Variants in EXOC5 observed in about 807,000 individuals in gnomAD.
The protein encoded by EXOC5 is exocyst complex component 5, also known as SEC10-like 1.
In EXOC5, 17 loss-of-function variants were observed where a neutral mutation model predicts 90.8. That is an observed-to-expected ratio of 0.19 (90% CI 0.13 to 0.28). The LOEUF (loss-of-function observed/expected upper bound fraction) is 0.28. Ranked by LOEUF, EXOC5 falls within the 10% of genes least tolerant of loss-of-function variation. The pLI is 1.00. For missense variants in EXOC5, 569 were observed against 830.6 expected, an observed-to-expected ratio of 0.69 and a Z score of 3.87; for synonymous variants, 260 against 270.0, an observed-to-expected ratio of 0.96 and a Z score of 0.36.
At chr14:57,219,586 C>A in intron 13 of EXOC5, 144 bp from the exon 14 acceptor site, 1 of 661,098 alleles carries the variant, frequency 1.5e-6, no homozygotes, top group Non-Finnish European at 2.5e-6. Context: ...CTTCTGTGGA[C>A]AGAAGAGGAA....
rs1882656519 is a variant in EXOC5, at chr14:57,206,437, G to A, written c.*2172C>T. ...CTGTTTAGGATAAATTTCTAGTCTTGTTTATATAGTCAAGTATTTTTTGCT... is the reference window on the plus strand; with the variant it reads ...CTGTTTAGGATAAATTTCTAGTCTTATTTATATAGTCAAGTATTTTTTGCT... On this transcript the variant is annotated 3_prime_UTR_variant, in exon 18 of 18. Transcript: ENST00000621441. 6.6e-6 allele frequency: 1 copy of A among 150,608 alleles called. No homozygotes were observed. The highest frequency in any genetic ancestry group is 2.4e-5 in the African/African-American group (1 of 40,944). 9.3% of individuals were successfully genotyped at this position (150,608 alleles called of 1,614,324 possible).
chr14:57,210,161 TCCTATCA>T (rs1882783546), intron 15 of EXOC5, 100 bp from the exon 16 acceptor site: 1 of 596,378 alleles, frequency 1.7e-6, no homozygotes, highest in Admixed American at 3.0e-5. Flanking sequence ...TTATTTAATT[TCCTATCA>T]CCATGAAACT....
At chr14:57,248,213 T>C (rs1884084883) in intron 1 of EXOC5, among the ~76,000 whole-genome samples, 1 of 151,952 alleles carries the variant, frequency 6.6e-6, no homozygotes, top group Non-Finnish European at 1.5e-5. Context: ...GGGTAAGTAT[T>C]AGGTAACATC....
At chr14:57,243,309 A>G (rs894843774) in intron 4 of EXOC5, 5 of 152,180 alleles carry the variant, frequency 3.3e-5, no homozygotes, top group Admixed American at 1.3e-4. Flanking sequence ...TTTCCAAAGA[A>G]CTCTAAAAAT....
At chr14:57,219,582 T>A in intron 13 of EXOC5, 140 bp from the exon 14 acceptor site, 1 of 674,562 alleles carries the variant, frequency 1.5e-6, no homozygotes, top group Non-Finnish European at 2.5e-6. Context: ...ATGACTTCTG[T>A]GGACAGAAGA....
intron 7 of EXOC5, among the ~76,000 whole-genome samples, 164 bp downstream of exon 7, chr14:57,235,547 C>A (rs1371617069): frequency 6.6e-6 from 1 of 151,830 alleles, no homozygotes; most frequent in Non-Finnish European, 1.5e-5. Flanking sequence ...ATATAACATT[C>A]AATACCATTT....
chr14:57,230,588 G>T (rs549791113), intron 11 of EXOC5, among the ~76,000 whole-genome samples: 1 of 152,200 alleles, frequency 6.6e-6, no homozygotes, highest in South Asian at 2.1e-4. Context: ...AAGAAAACTG[G>T]TTTCGATATA....
intron 4 of EXOC5, among the ~76,000 whole-genome samples, chr14:57,241,808 CAT>C (rs1048781312): frequency 2.6e-5 from 4 of 152,098 alleles, no homozygotes; most frequent in African/African-American, 9.7e-5. Context: ...GTATTATCCA[CAT>C]GAGGAACAAT....
intron 12 of EXOC5, among the ~76,000 whole-genome samples, chr14:57,222,697 CAT>C (rs145170163): frequency 1.1e-3 from 163 of 144,824 alleles, no homozygotes; most frequent in Middle Eastern, 3.5e-3. Context: ...TGTATACCCC[CAT>C]ATATATATAT....
chr14:57,232,276 T>C (rs996322168), intron 10 of EXOC5: 4 of 155,310 alleles, frequency 2.6e-5, no homozygotes, highest in African/African-American at 9.6e-5. Flanking sequence ...CAAGACTCCA[T>C]ATGAAGCTTC....
intron 12 of EXOC5, among the ~76,000 whole-genome samples, chr14:57,225,906 GACAA>G (rs1163124502): frequency 6.6e-6 from 1 of 152,192 alleles, no homozygotes; most frequent in Non-Finnish European, 1.5e-5. Context: ...GCAGATAAGA[GACAA>G]ACAGTCGTAT....
chr14:57,206,153 A>G lies in EXOC5; in HGVS notation c.*2456T>C, dbSNP rs7141911. The G allele has an allele frequency of 0.21, 77,918 of 365,898 alleles. 15,602 individuals carry two copies. Among genetic ancestry groups the G allele is most frequent in the African/African-American group, 0.72 (33,919 of 46,956 alleles). The allele number at this position is 365,898 out of a possible 1,614,324, so 22.7% of individuals were successfully genotyped here. A position where few individuals can be genotyped will look rare whatever the true frequency, so the allele number is the denominator to read the frequency against. On this transcript the variant is annotated 3_prime_UTR_variant, in exon 18 of 18. Transcript: ENST00000621441. ...AATACTGCATATTAGCTCATGCGGT[A>G]TTGTGTAATACTGCAAAGACCGTAC... is the stretch of plus-strand genomic sequence containing the variant.
intron 1 of EXOC5, among the ~76,000 whole-genome samples, chr14:57,252,705 C>G (rs1268474997): frequency 6.6e-6 from 1 of 151,956 alleles, no homozygotes; most frequent in Non-Finnish European, 1.5e-5. Context: ...ATTACCACAG[C>G]CATTACGAAA....
intron 6 of EXOC5, 93 bp from the exon 7 acceptor site, chr14:57,235,913 A>G: frequency 3.0e-6 from 2 of 674,220 alleles, no homozygotes; most frequent in Non-Finnish European, 5.3e-6. Context: ...ATGACTATGA[A>G]TATAGCTTTC....
chr14:57,264,352 T>C (rs557533184), intron 1 of EXOC5, among the ~76,000 whole-genome samples: 175 of 152,344 alleles, frequency 1.1e-3, no homozygotes, highest in African/African-American at 4.1e-3. Flanking sequence ...TAACTAGCTT[T>C]TGTAATTTAG....
At position 57,204,205 on chromosome 14, in the gene EXOC5, A is replaced by G. The variant is rs1882582993; in HGVS notation, c.*4404T>C. ...AATACCTCGGGTCTAGTTCAAAAAT[A>G]GGAATTTTGTTAAGCCCAGGGGCAG... On this transcript the variant is annotated 3_prime_UTR_variant, in exon 18 of 18. Coordinates refer to ENST00000621441, the MANE Select transcript of EXOC5 (RefSeq NM_006544.4). The G allele has an allele frequency of 6.6e-6, 1 of 152,176 alleles. No individual in the cohort carries two copies. Among genetic ancestry groups the G allele is most frequent in the Non-Finnish European group, 1.5e-5 (1 of 68,006 alleles). 9.4% of individuals were successfully genotyped at this position (152,176 alleles called of 1,614,324 possible). A position where few individuals can be genotyped will look rare whatever the true frequency, so the allele number is the denominator to read the frequency against.
intron 1 of EXOC5, among the ~76,000 whole-genome samples, chr14:57,254,795 G>A (rs774022909): frequency 7.2e-5 from 11 of 152,140 alleles, no homozygotes; most frequent in African/African-American, 2.2e-4. Flanking sequence ...AAGAGATTAC[G>A]TGAGCACAAA....
intron 4 of EXOC5, among the ~76,000 whole-genome samples, chr14:57,242,758 A>C (rs181829219): frequency 6.6e-6 from 1 of 152,294 alleles, no homozygotes; most frequent in African/African-American, 2.4e-5. Context: ...AATAATTGGC[A>C]ATCTAATACT....
rs1594638054 is a variant in EXOC5 at position 57,200,877 on chromosome 14, C to T, written c.*7732G>A. 5.3e-5 allele frequency: 8 copies of T among 151,564 alleles called. 1 individual carries two copies. In the East Asian group the frequency reaches 1.2e-3, roughly 22 times the overall value. The allele number at this position is 151,564 out of a possible 1,614,324, so 9.4% of individuals were successfully genotyped here. A position where few individuals can be genotyped will look rare whatever the true frequency, so the allele number is the denominator to read the frequency against. On this transcript the variant is annotated 3_prime_UTR_variant, in exon 18 of 18. Transcript: ENST00000621441. ...ATTTCTGCAATGACCATTCTTATTC[C>T]CTCAATTTGGTCCTAAAGCCAAAAC... is the stretch of plus-strand genomic sequence containing the variant.
Sources: allele counts gnomAD v4.1 joint callset (sites outside exome capture counted in the v4.1 genomes callset), GRCh38; gene constraint gnomAD v4.1.1; transcripts MANE v1.5; gene names NCBI Gene and HGNC (gene_info 2026-07-23, HGNC 2026-07-21).